CNTN5: variants seen among roughly 807,000 people sequenced by gnomAD.
CNTN5 encodes contactin-5.
In CNTN5, 77 loss-of-function variants were observed where a neutral mutation model predicts 129.1. The ratio of observed to expected loss-of-function variants is 0.60; its 90% CI spans 0.50 to 0.72. CNTN5 has a LOEUF of 0.72. Ranked by LOEUF, CNTN5 falls within the 30% of genes least tolerant of loss-of-function variation. The pLI is 0.00. For synonymous variants in CNTN5, 509 were observed against 465.6 expected, an observed-to-expected ratio of 1.09 and a Z score of -1.20; for missense variants, 1,478 against 1,328.8, an observed-to-expected ratio of 1.11 and a Z score of -1.75.
At position 100,002,056 on chromosome 11, in the gene CNTN5, G is replaced by C; in HGVS notation, c.900G>C (p.Pro300=). Reference sequence around the variant, plus strand: ...AAGGTGTGATGGGAGAATATGAGCCGAAAATTGAGGTCCATTTTCCTTTCA... The same window carrying C: ...AAGGTGTGATGGGAGAATATGAGCCCAAAATTGAGGTCCATTTTCCTTTCA... ...RNDGVMGEYE[P]KIEVHFPFTV... The change falls in exon 9 of 25, where the codon CCG becomes CCC. Residue 300 remains proline (P), a synonymous_variant. Transcript: ENST00000524871. 1.3e-6 allele frequency: 2 copies of C among 1,596,906 alleles called. No homozygotes were observed. Among genetic ancestry groups the C allele is most frequent in the Non-Finnish European group, 1.7e-6 (2 of 1,174,474 alleles).
At chr11:99,901,895 G>A (rs1450232891) in intron 6 of CNTN5, among the ~76,000 whole-genome samples, 1 of 152,144 alleles carries the variant, frequency 6.6e-6, no homozygotes, top group Non-Finnish European at 1.5e-5. Context: ...GTTAAGGTCT[G>A]TTTTTGGATA....
intron 20 of CNTN5, among the ~76,000 whole-genome samples, chr11:100,300,204 A>G (rs1591493023): frequency 1.3e-5 from 2 of 151,476 alleles, no homozygotes; most frequent in Admixed American, 1.3e-4. Flanking sequence ...CCTGCTTCCT[A>G]CATCAAAGAT....
intron 1 of CNTN5, among the ~76,000 whole-genome samples, chr11:99,167,679 T>C (rs531154340): frequency 6.6e-6 from 1 of 152,054 alleles, no homozygotes; most frequent in Non-Finnish European, 1.5e-5. Flanking sequence ...TGAGTGACAA[T>C]GGGGTGTGAA....
intron 3 of CNTN5, among the ~76,000 whole-genome samples, chr11:99,675,651 C>T (rs1353859481): frequency 1.3e-5 from 2 of 152,000 alleles, no homozygotes; most frequent in Non-Finnish European, 2.9e-5. Flanking sequence ...TGCCCCACTG[C>T]CCTCCAGCCT....
intron 8 of CNTN5, among the ~76,000 whole-genome samples, chr11:99,968,668 T>C (rs1408273331): frequency 5.3e-5 from 7 of 131,350 alleles, no homozygotes; most frequent in Non-Finnish European, 7.9e-5. Context: ...TTTTTTTTTT[T>C]TTTTTTTTTT....
At chr11:100,160,966 T>C (rs1010946538) in intron 13 of CNTN5, among the ~76,000 whole-genome samples, 8 of 151,886 alleles carry the variant, frequency 5.3e-5, no homozygotes, top group African/African-American at 1.9e-4. Flanking sequence ...TCCAGATCAG[T>C]ATGACTCCAG....
chr11:99,405,362 T>G (rs1942026278), intron 2 of CNTN5, among the ~76,000 whole-genome samples: 1 of 152,054 alleles, frequency 6.6e-6, no homozygotes, highest in Non-Finnish European at 1.5e-5. Flanking sequence ...TGAGGTTATT[T>G]TCTAGATCCT....
intron 6 of CNTN5, among the ~76,000 whole-genome samples, chr11:99,900,956 C>T (rs139220063): frequency 9.1e-4 from 138 of 152,168 alleles, no homozygotes; most frequent in African/African-American, 3.2e-3. Context: ...TACAGTGATT[C>T]AGAATGTCGG....
At chr11:100,151,511 A>T (rs1947054674) in intron 13 of CNTN5, among the ~76,000 whole-genome samples, 1 of 152,120 alleles carries the variant, frequency 6.6e-6, no homozygotes, top group South Asian at 2.1e-4. Flanking sequence ...TAATATCAGC[A>T]TTCTTTTTAG....
At chr11:99,858,147 G>A (rs1948097606) in intron 6 of CNTN5, among the ~76,000 whole-genome samples, 2 of 152,002 alleles carry the variant, frequency 1.3e-5, no homozygotes, top group Admixed American at 6.6e-5. Context: ...CTTAATAGGT[G>A]GATGAATTTA....
At chr11:99,852,149 C>T (rs1289747839) in intron 6 of CNTN5, among the ~76,000 whole-genome samples, 1 of 152,028 alleles carries the variant, frequency 6.6e-6, no homozygotes, top group Admixed American at 6.6e-5. Flanking sequence ...CTTCCATATA[C>T]AAATGACTCT....
At chr11:99,421,998 A>C (rs1942908938) in intron 2 of CNTN5, among the ~76,000 whole-genome samples, 1 of 152,194 alleles carries the variant, frequency 6.6e-6, no homozygotes, top group African/African-American at 2.4e-5. Context: ...AGGTGTGTTC[A>C]ATCTCTACTT....
intron 6 of CNTN5, 148 bp from the exon 7 acceptor site, chr11:99,915,906 T>C (rs1949776642): frequency 5.0e-6 from 3 of 598,882 alleles, no homozygotes; most frequent in African/African-American, 1.9e-5. Flanking sequence ...TTAGATGATG[T>C]AGATATATGT....
intron 1 of CNTN5, among the ~76,000 whole-genome samples, chr11:99,310,857 T>A (rs1303460813): frequency 6.6e-6 from 1 of 152,216 alleles, no homozygotes; most frequent in Non-Finnish European, 1.5e-5. Context: ...TGGCAAATAT[T>A]TTTCTGTGTC....
At chr11:99,939,075 C>T (rs562138033) in intron 7 of CNTN5, among the ~76,000 whole-genome samples, 10 of 152,116 alleles carry the variant, frequency 6.6e-5, no homozygotes, top group African/African-American at 2.2e-4. Flanking sequence ...TCCGGTGTTT[C>T]TAATTTCTGT....
intron 1 of CNTN5, among the ~76,000 whole-genome samples, chr11:99,254,975 C>T (rs527466206): frequency 3.0e-4 from 45 of 151,784 alleles, no homozygotes; most frequent in African/African-American, 9.9e-4. Flanking sequence ...TTGAACAAGC[C>T]GATGTTTTCT....
intron 2 of CNTN5, among the ~76,000 whole-genome samples, chr11:99,491,438 G>A (rs988367917): frequency 1.3e-5 from 2 of 152,112 alleles, no homozygotes; most frequent in African/African-American, 4.8e-5. Context: ...CCCGGTGGAA[G>A]TATTTATTCC....
At chr11:99,689,129 G>A (rs1218859503) in intron 3 of CNTN5, among the ~76,000 whole-genome samples, 2 of 152,078 alleles carry the variant, frequency 1.3e-5, no homozygotes, top group Admixed American at 1.3e-4. Context: ...CCCAGTAGTG[G>A]GATTGCTGGA....
chr11:99,162,205 CT>C (rs1264419471), intron 1 of CNTN5, among the ~76,000 whole-genome samples: 1 of 151,852 alleles, frequency 6.6e-6, no homozygotes, highest in African/African-American at 2.4e-5. Context: ...TCTCTGGCTT[CT>C]GTGCATAAGA....
Sources: allele counts gnomAD v4.1 joint callset (sites outside exome capture counted in the v4.1 genomes callset), GRCh38; gene constraint gnomAD v4.1.1; transcripts MANE v1.5; gene names NCBI Gene and HGNC (gene_info 2026-07-23, HGNC 2026-07-21).